The following EFL1 variants were observed in gnomAD, a reference collection of about 807,000 sequenced individuals.
EFL1 encodes the protein elongation factor-like GTPase 1.
Under a neutral mutation model 126.7 loss-of-function variants are expected in EFL1, and 76 were observed. The observed-to-expected ratio is 0.60, with a 90% confidence interval of 0.50 to 0.73. The LOEUF is 0.73. Ranked by LOEUF, EFL1 falls within the 30% of genes least tolerant of loss-of-function variation. The pLI is 0.00. For synonymous variants in EFL1, 410 were observed against 448.4 expected, an observed-to-expected ratio of 0.91 and a Z score of 1.08; for missense variants, 1,128 against 1,343.2, an observed-to-expected ratio of 0.84 and a Z score of 2.50.
chr15:82,261,924 T>C (rs1196042915), intron 1 of EFL1, 127 bp from the exon 2 acceptor site: 1 of 640,942 alleles, frequency 1.6e-6, no homozygotes. Flanking sequence ...CAGTGAATGT[T>C]TATTGATGAG....
intron 4 of EFL1, among the ~76,000 whole-genome samples, chr15:82,245,958 G>T (rs1169296821): frequency 1.3e-5 from 2 of 151,370 alleles, no homozygotes; most frequent in Admixed American, 6.6e-5. Flanking sequence ...AGTGACAGGG[G>T]TTAGGAAAAT....
At chr15:82,138,162 G>C (rs2073742019) in intron 19 of EFL1, among the ~76,000 whole-genome samples, 1 of 152,014 alleles carries the variant, frequency 6.6e-6, no homozygotes, top group African/African-American at 2.4e-5. Context: ...CAGAAACCTT[G>C]AATCTCCATA....
At position 82,163,886 on chromosome 15, in the gene EFL1, T is replaced by C. The variant is rs1128431; in HGVS notation, c.1849A>G (p.Ile617Val). The C allele has an allele frequency of 0.081, 131,111 of 1,613,882 alleles. 7,971 individuals are homozygous for C. Among genetic ancestry groups the C allele is most frequent in the African/African-American group, 0.31 (22,900 of 74,954 alleles). ...FIPLNFEATP[I>V]VRVAVEPKHP... The stretch of plus-strand genomic sequence containing the variant: ...TTTGGTTCAACAGCAACTCTCACAA[T>C]AGGAGTGGCTTCGAAGTTGAGTGGT... The change falls in exon 16 of 20, where the codon ATT becomes GTT. Residue 617 changes from isoleucine to valine, a missense_variant. This residue lies in a region of EFL1 where 561 missense variants were observed against 641.7 expected (regional missense o/e 0.87). Coordinates refer to ENST00000268206, the MANE Select transcript of EFL1 (RefSeq NM_024580.6).
At chr15:82,244,941 C>T (rs551216235) in intron 4 of EFL1, among the ~76,000 whole-genome samples, 5 of 152,108 alleles carry the variant, frequency 3.3e-5, no homozygotes, top group Admixed American at 6.5e-5. Context: ...AAGATCTGAA[C>T]CTCCTGAAAG....
chr15:82,194,562 A>G lies in EFL1; in HGVS notation c.1750+20155T>C, dbSNP rs577930929. Reference sequence around the variant, plus strand: ...TAGTCAAAAATGCACTTACAGAATTATTAAAATCAAAGCATAAAATAATCA... The same window carrying G: ...TAGTCAAAAATGCACTTACAGAATTGTTAAAATCAAAGCATAAAATAATCA... On this transcript the variant is annotated intron_variant, in intron 15 of 19. Coordinates refer to ENST00000268206, the MANE Select transcript of EFL1 (RefSeq NM_024580.6). 5.9e-5 allele frequency among the ~76,000 whole-genome samples: 9 copies of G among 152,372 alleles called. No homozygotes were observed. The East Asian group carries it at 1.7e-3, about 29-fold the overall frequency.
chr15:82,198,452 T>TA (rs906894539), intron 15 of EFL1, among the ~76,000 whole-genome samples: 2 of 152,050 alleles, frequency 1.3e-5, no homozygotes, highest in African/African-American at 4.8e-5. Flanking sequence ...TTGTTTTGTT[T>TA]AAAAAACAAA....
chr15:82,240,443 G>A lies in EFL1; in HGVS notation c.491C>T (p.Ser164Phe). ...ELKFTPQEAY[S>F]HLKNILEQIN... ...CTGTTCTAAAATATTCTTGAGGTGA[G>A]AATAGGCCTCTTGTGGGGTGAATTT... The change falls in exon 6 of 20, where the codon TCT becomes TTT. Residue 164 changes from serine to phenylalanine, a missense_variant. This residue lies in a region of EFL1 where 316 missense variants were observed against 318.5 expected (regional missense o/e 0.99). Transcript: ENST00000268206. 1 of 1,610,486 alleles carries A rather than the reference G, an allele frequency of 6.2e-7. No homozygotes were observed. Among genetic ancestry groups the A allele is most frequent in the Non-Finnish European group, 8.5e-7 (1 of 1,178,038 alleles).
intron 3 of EFL1, among the ~76,000 whole-genome samples, chr15:82,256,726 T>C (rs2075069816): frequency 6.6e-6 from 1 of 152,244 alleles, no homozygotes; most frequent in Non-Finnish European, 1.5e-5. Flanking sequence ...CATGTCTTTA[T>C]ATCTGTTGAA....
intron 19 of EFL1, among the ~76,000 whole-genome samples, chr15:82,132,621 G>A (rs1444415606): frequency 6.9e-6 from 1 of 145,524 alleles, no homozygotes; most frequent in East Asian, 2.1e-4. Flanking sequence ...GCGTCTCGAA[G>A]TGGGAGCCCA....
chr15:82,163,794 A>T, intron 16 of EFL1, 59 bp downstream of exon 16: 1 of 1,571,910 alleles, frequency 6.4e-7, no homozygotes, highest in South Asian at 1.2e-5. Context: ...AATACTAAAT[A>T]CATGCATATG....
At chr15:82,187,171 T>C (rs1477486530) in intron 15 of EFL1, among the ~76,000 whole-genome samples, 1 of 152,208 alleles carries the variant, frequency 6.6e-6, no homozygotes, top group African/African-American at 2.4e-5. Context: ...CTGTAGTGCT[T>C]TCCTACAGAG....
chr15:82,157,117 T>C (rs2141234833), intron 17 of EFL1, among the ~76,000 whole-genome samples: 1 of 152,348 alleles, frequency 6.6e-6, no homozygotes, highest in Non-Finnish European at 1.5e-5. Flanking sequence ...TATTTGAATA[T>C]GCATAGAACA....
At chr15:82,212,037 T>G (rs1020053499) in intron 15 of EFL1, among the ~76,000 whole-genome samples, 1 of 152,206 alleles carries the variant, frequency 6.6e-6, no homozygotes, top group African/African-American at 2.4e-5. Flanking sequence ...CCAGGGAAGA[T>G]CTTCATGACT....
intron 15 of EFL1, 90 bp downstream of exon 15, chr15:82,214,627 A>T: frequency 3.5e-6 from 5 of 1,441,730 alleles, no homozygotes; most frequent in Non-Finnish European, 4.7e-6. Context: ...GAATAAAGTT[A>T]TTCCCTTCAA....
intron 15 of EFL1, among the ~76,000 whole-genome samples, chr15:82,177,253 CA>C (rs2141255873): frequency 6.6e-6 from 1 of 152,268 alleles, no homozygotes; most frequent in African/African-American, 2.4e-5. Flanking sequence ...TGTTATTTGA[CA>C]CAAATTACAT....
At chr15:82,196,548 G>A (rs2074409530) in intron 15 of EFL1, among the ~76,000 whole-genome samples, 1 of 152,220 alleles carries the variant, frequency 6.6e-6, no homozygotes, top group Non-Finnish European at 1.5e-5. Context: ...CTGGGATAGT[G>A]TAATTTGCTG....
intron 7 of EFL1, among the ~76,000 whole-genome samples, chr15:82,231,391 CA>C (rs904581219): frequency 6.6e-6 from 1 of 152,126 alleles, no homozygotes; most frequent in African/African-American, 2.4e-5. Context: ...TCTTGAGCCA[CA>C]ACCTGCCAAA....
At chr15:82,221,469 T>C (rs1359325501) in intron 12 of EFL1, among the ~76,000 whole-genome samples, 3 of 152,176 alleles carry the variant, frequency 2.0e-5, no homozygotes, top group African/African-American at 4.8e-5. Flanking sequence ...GCTTAAATCA[T>C]TGACTGTCCA....
chr15:82,238,413 A>G lies in EFL1; in HGVS notation c.625T>C (p.Tyr209His). ...TCCTCCAAGCCAGTGCTCCAGTCAT[A>G]TACTTGCTCTCCTTGTTCAGAATTT... ...NPNSEQGEQV[Y>H]DWSTGLEDTD... Residue 209 changes from tyrosine (Y) to histidine (H), a missense_variant, in exon 7 of 20, where the codon TAT becomes CAT. Tyr to His is a moderately conservative substitution (Grantham distance 83). Coordinates refer to ENST00000268206, the MANE Select transcript of EFL1 (RefSeq NM_024580.6). The G allele has an allele frequency of 1.2e-6, 2 of 1,614,184 alleles. No homozygotes were observed. Among genetic ancestry groups the G allele is most frequent in the Non-Finnish European group, 1.7e-6 (2 of 1,180,040 alleles).
Sources: allele counts gnomAD v4.1 joint callset (sites outside exome capture counted in the v4.1 genomes callset), GRCh38; gene constraint gnomAD v4.1.1; regional missense constraint gnomAD v4.1.1; transcripts MANE v1.5; gene names NCBI Gene and HGNC (gene_info 2026-07-23, HGNC 2026-07-21).